VTI1A: variants seen among roughly 807,000 people sequenced by gnomAD.
VTI1A encodes vesicle transport through interaction with t-SNAREs 1A.
VTI1A carries 22 observed loss-of-function variants against 34.9 expected under a neutral mutation model. The observed-to-expected ratio is 0.63, with a 90% confidence interval of 0.45 to 0.90. The LOEUF is 0.90. Among genes scored for constraint, VTI1A ranks in the 40% least tolerant of loss-of-function variants. The pLI, the probability that VTI1A is intolerant of heterozygous loss-of-function variation, is 0.00. For missense variants in VTI1A, 268 were observed against 275.6 expected, an observed-to-expected ratio of 0.97 and a Z score of 0.20; for synonymous variants, 87 against 97.3, an observed-to-expected ratio of 0.89 and a Z score of 0.62.
the VTI1A span, among the ~76,000 whole-genome samples, chr10:112,841,721 C>T: frequency 4.6e-5 from 7 of 152,142 alleles, no homozygotes; most frequent in East Asian, 3.9e-4. Context: ...ATGTGGGGTG[C>T]GGCACTCTAT....
chr10:112,819,184 C>A (rs1257943658), downstream of VTI1A, among the ~76,000 whole-genome samples: 1 of 152,136 alleles, frequency 6.6e-6, no homozygotes, highest in Non-Finnish European at 1.5e-5. Context: ...AATGAAATTT[C>A]CCATCGTAAA....
chr10:112,586,931 T>C (rs1844183663), intron 5 of VTI1A, among the ~76,000 whole-genome samples: 1 of 152,188 alleles, frequency 6.6e-6, no homozygotes, highest in Non-Finnish European at 1.5e-5. Context: ...GACCTTGAAA[T>C]TTAAACTCAG....
At chr10:112,673,083 G>A (rs1025225654) in intron 7 of VTI1A, among the ~76,000 whole-genome samples, 2 of 152,088 alleles carry the variant, frequency 1.3e-5, no homozygotes, top group East Asian at 1.9e-4. Context: ...TTGGGAGACC[G>A]AGGCAGGCAG....
chr10:112,693,502 G>A (rs899406842), intron 7 of VTI1A, among the ~76,000 whole-genome samples: 1 of 152,138 alleles, frequency 6.6e-6, no homozygotes, highest in African/African-American at 2.4e-5. Context: ...ATCTGAGATT[G>A]CACCATTGCA....
intron 3 of VTI1A, among the ~76,000 whole-genome samples, chr10:112,476,790 G>A (rs1460555997): frequency 6.6e-6 from 1 of 152,160 alleles, no homozygotes; most frequent in Non-Finnish European, 1.5e-5. Flanking sequence ...TGATTCCAGT[G>A]TCTCATTTCT....
chr10:112,611,350 C>T (rs1429266955), intron 5 of VTI1A, among the ~76,000 whole-genome samples: 1 of 152,186 alleles, frequency 6.6e-6, no homozygotes, highest in African/African-American at 2.4e-5. Flanking sequence ...TGCTATGTAG[C>T]AAGTAACTTG....
chr10:112,717,577 T>A (rs1357745624), intron 7 of VTI1A, among the ~76,000 whole-genome samples: 1 of 152,156 alleles, frequency 6.6e-6, no homozygotes, highest in East Asian at 1.9e-4. Context: ...TCTCCCTGCA[T>A]ATGCTGGTTT....
intron 7 of VTI1A, among the ~76,000 whole-genome samples, chr10:112,730,359 G>A (rs1377597896): frequency 6.6e-6 from 1 of 152,138 alleles, no homozygotes; most frequent in Non-Finnish European, 1.5e-5. Context: ...GCACAACTTT[G>A]TAAAGTTGAA....
chr10:112,483,477 T>A (rs1848517368), intron 3 of VTI1A, among the ~76,000 whole-genome samples: 1 of 152,208 alleles, frequency 6.6e-6, no homozygotes, highest in Non-Finnish European at 1.5e-5. Context: ...AAGATATGAT[T>A]TTTCTTTTGA....
intron 5 of VTI1A, among the ~76,000 whole-genome samples, chr10:112,539,726 A>T (rs1045038410): frequency 2.4e-4 from 36 of 152,290 alleles, no homozygotes; most frequent in Non-Finnish European, 2.2e-4. Context: ...CTTCAATAAC[A>T]TGGAAATAAT....
chr10:112,455,159 CCTCCTCCCCTCCT>C (rs1847395356), intron 1 of VTI1A, among the ~76,000 whole-genome samples: 2 of 3,706 alleles, frequency 5.4e-4, no homozygotes, highest in African/African-American at 1.3e-3. Flanking sequence ...CCTCCCCTTC[CCTCCTCCCCTCCT>C]CCCCTCCCCT....
At chr10:112,567,540 A>G (rs1423816638) in intron 5 of VTI1A, among the ~76,000 whole-genome samples, 1 of 152,200 alleles carries the variant, frequency 6.6e-6, no homozygotes, top group African/African-American at 2.4e-5. Context: ...TTAGGCTAAC[A>G]TGTTTTTTTC....
intron 3 of VTI1A, among the ~76,000 whole-genome samples, chr10:112,494,986 CT>C (rs1411292773): frequency 2.0e-5 from 3 of 152,000 alleles, no homozygotes; most frequent in African/African-American, 7.2e-5. Flanking sequence ...AGAATCGGAG[CT>C]TTTTTTCAGT....
chr10:112,759,849 A>G (rs1162169674), intron 7 of VTI1A, among the ~76,000 whole-genome samples: 2 of 152,062 alleles, frequency 1.3e-5, no homozygotes, highest in African/African-American at 2.4e-5. Context: ...GACATAGGGT[A>G]TATTTCAGGG....
intron 5 of VTI1A, among the ~76,000 whole-genome samples, chr10:112,603,923 A>G (rs1357141407): frequency 6.6e-6 from 1 of 152,148 alleles, no homozygotes; most frequent in African/African-American, 2.4e-5. Context: ...CCCCTTAGAA[A>G]GCAATTTAGT....
At chr10:112,554,297 A>G (rs1851468875) in intron 5 of VTI1A, among the ~76,000 whole-genome samples, 1 of 152,218 alleles carries the variant, frequency 6.6e-6, no homozygotes, top group Non-Finnish European at 1.5e-5. Context: ...AGCCCAGAGG[A>G]ACTTAAGGAA....
intron 4 of VTI1A, among the ~76,000 whole-genome samples, chr10:112,532,092 G>A (rs1554897335): frequency 6.6e-6 from 1 of 152,128 alleles, no homozygotes; most frequent in Non-Finnish European, 1.5e-5. Context: ...TTTTTATAAA[G>A]ATTCTTAACA....
At chr10:112,840,964 T>C in the VTI1A span, among the ~76,000 whole-genome samples, 2 of 152,168 alleles carry the variant, frequency 1.3e-5, no homozygotes, top group Admixed American at 1.3e-4. Flanking sequence ...GCACGACACC[T>C]GCCATCTAGG....
intron 7 of VTI1A, among the ~76,000 whole-genome samples, chr10:112,756,524 T>C (rs1414772550): frequency 6.6e-6 from 1 of 152,128 alleles, no homozygotes; most frequent in South Asian, 2.1e-4. Context: ...GAAAAGCCGG[T>C]CTTTATTAAA....
Sources: gnomAD v4.1 joint callset for allele counts (sites outside exome capture counted in the v4.1 genomes callset) on GRCh38, gnomAD v4.1.1 for gene constraint, MANE v1.5 for transcripts, NCBI Gene and HGNC (gene_info 2026-07-23, HGNC 2026-07-21) for gene names.